Variants in BDP1 observed in about 807,000 individuals in gnomAD.
The protein encoded by BDP1 is transcription factor TFIIIB component B'' homolog.
A neutral mutation model predicts 266.6 loss-of-function variants in BDP1; 169 were observed. That is an observed-to-expected ratio of 0.63 (90% CI 0.56 to 0.72). BDP1 has a LOEUF of 0.72. Ranked by LOEUF, BDP1 falls within the 30% of genes least tolerant of loss-of-function variation. The pLI is 0.00. For missense variants in BDP1, 3,015 were observed against 3,053.8 expected, an observed-to-expected ratio of 0.99 and a Z score of 0.30; for synonymous variants, 1,090 against 1,022.4, an observed-to-expected ratio of 1.07 and a Z score of -1.26.
rs1417515365 is a variant in BDP1, at chr5:71,565,041, A to G, written c.*156A>G. The G allele has an allele frequency of 2.9e-6, 2 of 678,950 alleles. No homozygotes were observed. The highest frequency in any genetic ancestry group is 4.7e-6 in the Non-Finnish European group (2 of 422,614). 42.1% of individuals were successfully genotyped at this position (678,950 alleles called of 1,614,324 possible). On this transcript the variant is annotated 3_prime_UTR_variant, in exon 39 of 39. Transcript: ENST00000358731. ...AGCTTGATTTGAAGCTTTTATAATC[A>G]GTGGAAAACATTTCTGAGGTTCCTT...
At chr5:71,487,055 T>A (rs1176917105) in intron 9 of BDP1, among the ~76,000 whole-genome samples, 1 of 152,282 alleles carries the variant, frequency 6.6e-6, no homozygotes, top group Middle Eastern at 3.4e-3. Context: ...TAATGTTGAG[T>A]TGTAACAGGT....
chr5:71,577,283 A>G, the BDP1 span, among the ~76,000 whole-genome samples: 4 of 152,144 alleles, frequency 2.6e-5, no homozygotes, highest in African/African-American at 7.2e-5. Flanking sequence ...AATTTTTGCT[A>G]TTGTTTACTT....
intron 6 of BDP1, among the ~76,000 whole-genome samples, chr5:71,469,984 G>A (rs1762143578): frequency 6.6e-6 from 1 of 151,982 alleles, no homozygotes; most frequent in South Asian, 2.1e-4. Flanking sequence ...TGGGATTACA[G>A]GCATGTGCCA....
At chr5:71,502,445 A>T (rs1764307874) in intron 14 of BDP1, among the ~76,000 whole-genome samples, 154 bp from the exon 15 acceptor site, 1 of 152,098 alleles carries the variant, frequency 6.6e-6, no homozygotes, top group Admixed American at 6.6e-5. Context: ...AAGTGCTGGG[A>T]TTACAGGTGC....
intron 13 of BDP1, among the ~76,000 whole-genome samples, chr5:71,500,076 A>G (rs187657859): frequency 2.0e-5 from 3 of 152,178 alleles, no homozygotes. Context: ...ACTTTTCCAG[A>G]ATTCTATTGT....
Position 71,545,159 on chromosome 5 carries a change from T to G in BDP1, c.6684T>G (p.Val2228=). The G allele has an allele frequency of 6.2e-7, 1 of 1,613,868 alleles. No homozygotes were observed. Among genetic ancestry groups the G allele is most frequent in the East Asian group, 2.2e-5 (1 of 44,872 alleles). ...ATAGGGGTCTTGGTGAAAATTCTGT[T>G]GAAGAGCCCCAGATAAAGGACTCTA... is the stretch of plus-strand genomic sequence containing the variant. ...GLDRGLGENS[V]EEPQIKDSKG... is the part of the protein sequence containing the mutation. The change falls in exon 32 of 39, where the codon GTT becomes GTG. Residue 2228 remains valine, a synonymous_variant. Coordinates refer to ENST00000358731, the MANE Select transcript of BDP1 (RefSeq NM_018429.3).
At position 71,555,437 on chromosome 5, in the gene BDP1, T is replaced by G. The variant is rs532570319; in HGVS notation, c.7201-1449T>G. 2.0e-5 allele frequency among the ~76,000 whole-genome samples: 3 copies of G among 149,972 alleles called. No homozygotes were observed. The East Asian group carries it at 6.0e-4, about 30-fold the overall frequency. ...ACTGTTTGAATTTTTGTAGTTTTCT[T>G]TATTCTTTTTTTTTTTTTTGAGATG... On this transcript the variant is annotated intron_variant, in intron 35 of 38. Transcript: ENST00000358731.
At chr5:71,577,949 G>T in the BDP1 span, among the ~76,000 whole-genome samples, 2 of 152,152 alleles carry the variant, frequency 1.3e-5, no homozygotes, top group South Asian at 2.1e-4. Flanking sequence ...CCAAAGGGAT[G>T]GTGACCAACT....
the BDP1 span, among the ~76,000 whole-genome samples, chr5:71,574,230 A>T: frequency 6.6e-6 from 1 of 152,236 alleles, no homozygotes; most frequent in Non-Finnish European, 1.5e-5. Flanking sequence ...GCCAGATCTC[A>T]GGACAGAAAG....
intron 6 of BDP1, 78 bp from the exon 7 acceptor site, chr5:71,470,317 C>T (rs1762161329): frequency 3.6e-6 from 4 of 1,100,746 alleles, no homozygotes; most frequent in Non-Finnish European, 5.3e-6. Flanking sequence ...TAAGTACTGT[C>T]AAATTCTGTA....
chr5:71,538,966 A>G, intron 26 of BDP1, 76 bp from the exon 27 acceptor site: 1 of 947,768 alleles, frequency 1.1e-6, no homozygotes, highest in African/African-American at 1.6e-5. Context: ...AGACCTCTGA[A>G]AATGTAGTGC....
intron 34 of BDP1, among the ~76,000 whole-genome samples, chr5:71,550,006 A>T (rs1742631783): frequency 6.6e-6 from 1 of 152,192 alleles, no homozygotes; most frequent in South Asian, 2.1e-4. Context: ...AGAGACAGGG[A>T]CTTGCTTTGG....
chr5:71,550,841 G>A (rs1561781391), intron 34 of BDP1, among the ~76,000 whole-genome samples: 1 of 152,050 alleles, frequency 6.6e-6, no homozygotes, highest in Non-Finnish European at 1.5e-5. Flanking sequence ...AAGTAGCTGG[G>A]ACTATAGGTG....
At chr5:71,524,346 T>G in intron 25 of BDP1, 23 bp downstream of exon 25, 1 of 1,554,738 alleles carries the variant, frequency 6.4e-7, no homozygotes, top group Non-Finnish European at 8.7e-7. Context: ...TTTAAAACCT[T>G]GGTACTTTAT....
At chr5:71,494,923 C>G in intron 11 of BDP1, 1 of 164,710 alleles carries the variant, frequency 6.1e-6, no homozygotes, top group Non-Finnish European at 1.3e-5. Context: ...GTTCCAAACT[C>G]CTGGCCTCAA....
chr5:71,487,506 G>A (rs1043100176), intron 9 of BDP1, among the ~76,000 whole-genome samples: 6 of 152,288 alleles, frequency 3.9e-5, no homozygotes, highest in African/African-American at 1.4e-4. Context: ...GCCTCCCAAA[G>A]TGCTGGGATT....
rs1368639300 is a variant in BDP1 at position 71,523,952 on chromosome 5, T to G, written c.5401T>G (p.Leu1801Val). ...LNKLTSCPQP[L>V]NETSYSKIAL... is the part of the protein sequence containing the mutation. The stretch of plus-strand genomic sequence containing the variant: ...TTAAATATCTAGCTGTCCACAACCG[T>G]TAAACGAAACAAGTTACTCTAAAAT... The change falls in exon 25 of 39, where the codon TTA becomes GTA. Residue 1801 changes from leucine to valine, a missense_variant. Leu to Val is a conservative substitution (Grantham distance 32, BLOSUM62 1). This residue lies in a region of BDP1 where 2,383 missense variants were observed against 2,404.9 expected (regional missense o/e 0.99). Transcript: ENST00000358731. The G allele has an allele frequency of 6.2e-7, 1 of 1,613,036 alleles. No homozygotes were observed.
chr5:71,495,253 T>A lies in BDP1; in HGVS notation c.1644T>A (p.Asn548Lys), dbSNP rs1233914918. 5.2e-6 allele frequency: 8 copies of A among 1,534,416 alleles called. No individual in the cohort carries two copies. The highest frequency in any genetic ancestry group is 2.8e-5 in the African/African-American group (2 of 72,676). ...TGAAATATTTTCTTTTTTTTAGTAA[T>A]CAACAAGATGCCACATCAGTAGCAA... is the stretch of plus-strand genomic sequence containing the variant. ...KRTDPILSLS[N>K]QQDATSVATE... is the part of the protein sequence containing the mutation. The change falls in exon 12 of 39, where the codon AAT (asparagine) becomes AAA (lysine). Residue 548 changes from asparagine to lysine, a missense_variant. Asn to Lys is a moderately conservative substitution (Grantham distance 94, BLOSUM62 0). This residue lies in a region of BDP1 where 2,383 missense variants were observed against 2,404.9 expected (regional missense o/e 0.99). Coordinates refer to ENST00000358731, the MANE Select transcript of BDP1 (RefSeq NM_018429.3).
At chr5:71,514,081 T>A (rs1765093277) in intron 19 of BDP1, among the ~76,000 whole-genome samples, 1 of 152,260 alleles carries the variant, frequency 6.6e-6, no homozygotes, top group Non-Finnish European at 1.5e-5. Flanking sequence ...AAAGCTTGAT[T>A]TGAGTTAAAG....
Sources: allele counts gnomAD v4.1 joint callset (sites outside exome capture counted in the v4.1 genomes callset), GRCh38; gene constraint gnomAD v4.1.1; regional missense constraint gnomAD v4.1.1; transcripts MANE v1.5; gene names NCBI Gene and HGNC (gene_info 2026-07-23, HGNC 2026-07-21).